RASGRF2: variants seen among roughly 807,000 people sequenced by gnomAD.
RASGRF2 encodes the protein ras-specific guanine nucleotide-releasing factor 2.
Under a neutral mutation model 151.0 loss-of-function variants are expected in RASGRF2, and 76 were observed. The ratio of observed to expected loss-of-function variants is 0.50; its 90% confidence interval spans 0.42 to 0.61. The LOEUF (loss-of-function observed/expected upper bound fraction) is 0.61. RASGRF2 is among the 20% of genes least tolerant of loss of function. The pLI is 0.00. For synonymous variants in RASGRF2, 504 were observed against 566.5 expected (o/e 0.89, Z 1.57); for missense variants, 1,148 against 1,564.6 (o/e 0.73, Z 4.49).
chr5:81,164,146 A>G (rs1754452626), intron 17 of RASGRF2, among the ~76,000 whole-genome samples: 1 of 152,156 alleles, frequency 6.6e-6, no homozygotes, highest in African/African-American at 2.4e-5. Context: ...TTTGAACTCT[A>G]AAAATGATGC....
rs1755724928 is a variant in RASGRF2 at position 81,215,882 on chromosome 5, G to A, written c.3361G>A (p.Ala1121Thr). The A allele has an allele frequency of 6.5e-7, 1 of 1,540,038 alleles. No individual in the cohort carries two copies. The highest frequency in any genetic ancestry group is 2.4e-5 in the East Asian group (1 of 41,688). ...TWAKVSKQTKALMDKLQKTVS... is the reference protein window; with the variant it reads ...TWAKVSKQTKTLMDKLQKTVS... Reference sequence around the variant, plus strand: ...TTTTTTCTTTTCTTTTTAGACAAAAGCTCTAATGGACAAACTTCAAAAGAC... The same window carrying A: ...TTTTTTCTTTTCTTTTTAGACAAAAACTCTAATGGACAAACTTCAAAAGAC... Residue 1121 changes from alanine (A) to threonine (T), a missense_variant, in exon 24 of 27, where the codon GCT becomes ACT. By Grantham distance (58) the Ala-to-Thr change is moderately conservative. Coordinates refer to ENST00000265080, the MANE Select transcript of RASGRF2 (RefSeq NM_006909.3).
chr5:81,157,499 A>G (rs994059457), intron 17 of RASGRF2, among the ~76,000 whole-genome samples: 4 of 152,202 alleles, frequency 2.6e-5, no homozygotes, highest in African/African-American at 7.2e-5. Flanking sequence ...ATTTGTTAAG[A>G]TGGAAATTTT....
chr5:81,201,201 A>C, intron 18 of RASGRF2, 129 bp from the exon 19 acceptor site: 1 of 1,357,142 alleles, frequency 7.4e-7, no homozygotes, highest in South Asian at 1.7e-5. Context: ...GTGGCAGGGA[A>C]CTCTAGGGTC....
intron 2 of RASGRF2, among the ~76,000 whole-genome samples, chr5:81,056,763 G>A (rs1287297460): frequency 2.0e-5 from 3 of 152,114 alleles, no homozygotes; most frequent in African/African-American, 7.2e-5. Flanking sequence ...GTGGAAGTCT[G>A]AGTCTCTTTG....
At position 81,226,021 on chromosome 5, in the gene RASGRF2, A is replaced by G; in HGVS notation, c.*251A>G. 1 of 372,870 alleles carries G rather than the reference A, an allele frequency of 2.7e-6. No individual in the cohort carries two copies. The highest frequency in any genetic ancestry group is 4.7e-6 in the Non-Finnish European group (1 of 210,926). 23.1% of individuals were successfully genotyped at this position (372,870 alleles called of 1,614,324 possible). A position where few individuals can be genotyped will look rare whatever the true frequency, so the allele number is the denominator to read the frequency against. ...CTGGTGGCACGTTTTACATAAGGGAATGTCAGATGGGAGATGCTAGTTGCC... is the reference window on the plus strand; with the variant it reads ...CTGGTGGCACGTTTTACATAAGGGAGTGTCAGATGGGAGATGCTAGTTGCC... On this transcript the variant is annotated 3_prime_UTR_variant, in exon 27 of 27. Coordinates refer to ENST00000265080, the MANE Select transcript of RASGRF2 (RefSeq NM_006909.3).
At chr5:81,108,269 A>G (rs1752898200) in intron 12 of RASGRF2, among the ~76,000 whole-genome samples, 1 of 152,250 alleles carries the variant, frequency 6.6e-6, no homozygotes, top group African/African-American at 2.4e-5. Context: ...ACCCAAAATA[A>G]TTACAGAGAG....
chr5:81,016,888 T>A (rs1027060573), intron 1 of RASGRF2, among the ~76,000 whole-genome samples: 3 of 152,142 alleles, frequency 2.0e-5, no homozygotes, highest in Non-Finnish European at 4.4e-5. Flanking sequence ...TCTCTAAGCC[T>A]TTGGGAGAAT....
rs560003265 is a variant in RASGRF2 at position 81,163,511 on chromosome 5, T to C, written c.2687-16664T>C. ...TAGGTACATAAGGTGCTCTCACAAA[T>C]TTAAATGCAACTCTGCAGACCCCCC... is the stretch of plus-strand genomic sequence containing the variant. On this transcript the variant is annotated intron_variant, in intron 17 of 26. Coordinates refer to ENST00000265080, the MANE Select transcript of RASGRF2 (RefSeq NM_006909.3). Among the ~76,000 whole-genome samples, 161 of 152,232 alleles carry C rather than the reference T, an allele frequency of 1.1e-3. 1 individual carries two copies. The highest frequency in any genetic ancestry group is 3.9e-3 in the African/African-American group (161 of 41,530).
rs192651061 is a variant in RASGRF2, at chr5:81,112,537, C to T, written c.1839-73C>T. The T allele has an allele frequency of 1.6e-4, 256 of 1,587,530 alleles. No individual in the cohort carries two copies. In the African/African-American group the frequency reaches 3.0e-3, roughly 18 times the overall value. On this transcript the variant is annotated intron_variant, in intron 13 of 26. Coordinates refer to ENST00000265080, the MANE Select transcript of RASGRF2 (RefSeq NM_006909.3). ...CCACTCCTGAGTGTGTGATTACAAA[C>T]GCTGAAATATTCAGTGGCCGAGGGG...
At chr5:81,217,247 T>C (rs1022866810) in intron 24 of RASGRF2, 109 bp from the exon 25 acceptor site, 2 of 1,455,482 alleles carry the variant, frequency 1.4e-6, no homozygotes, top group African/African-American at 2.9e-5. Flanking sequence ...AAAAAGGTTT[T>C]GCTCTTCAGT....
intron 18 of RASGRF2, among the ~76,000 whole-genome samples, chr5:81,196,155 A>G (rs1755260263): frequency 6.6e-6 from 1 of 152,162 alleles, no homozygotes. Flanking sequence ...GCTGCTCGGG[A>G]GGCTGAGGTG....
At position 81,186,779 on chromosome 5, in the gene RASGRF2, CAT is replaced by C. The variant is rs1295891525; in HGVS notation, c.2793+6499_2793+6500del. 3.9e-5 allele frequency among the ~76,000 whole-genome samples: 6 copies of C among 152,160 alleles called. No individual in the cohort carries two copies. The East Asian group carries it at 7.7e-4, about 20-fold the overall frequency. On this transcript the variant is annotated intron_variant, in intron 18 of 26. Coordinates refer to ENST00000265080, the MANE Select transcript of RASGRF2 (RefSeq NM_006909.3). ...CACAGTAGGAGTTAAATTCAGTCCTCATGTGTCTTTGTAGCAGAGATCTCAGA... is the reference window on the plus strand; with the variant it reads ...CACAGTAGGAGTTAAATTCAGTCCTCGTGTCTTTGTAGCAGAGATCTCAGA...
rs570892668 is a variant in RASGRF2, at chr5:81,033,957, A to G, written c.289-8920A>G. 2.0e-5 allele frequency among the ~76,000 whole-genome samples: 3 copies of G among 152,344 alleles called. No homozygotes were observed. In the South Asian group the frequency reaches 6.2e-4, roughly 32 times the overall value. ...GAACTTAAACAAATTCACAAGAAAAAATCAAACAACCCCATCAACAAGTGG... is the reference window on the plus strand; with the variant it reads ...GAACTTAAACAAATTCACAAGAAAAGATCAAACAACCCCATCAACAAGTGG... On this transcript the variant is annotated intron_variant, in intron 1 of 26. Transcript: ENST00000265080.
At chr5:81,040,406 A>G (rs1750642326) in intron 1 of RASGRF2, among the ~76,000 whole-genome samples, 1 of 152,232 alleles carries the variant, frequency 6.6e-6, no homozygotes, top group Non-Finnish European at 1.5e-5. Context: ...ATGTCTTACT[A>G]CTACTGATAG....
At chr5:81,201,625 T>G (rs1391705585) in intron 19 of RASGRF2, among the ~76,000 whole-genome samples, 183 bp downstream of exon 19, 1 of 152,170 alleles carries the variant, frequency 6.6e-6, no homozygotes, top group Non-Finnish European at 1.5e-5. Flanking sequence ...TCAGGAAGAC[T>G]CGGGACGGGG....
At chr5:81,083,342 G>C (rs1752140693) in intron 7 of RASGRF2, among the ~76,000 whole-genome samples, 1 of 150,414 alleles carries the variant, frequency 6.6e-6, no homozygotes, top group South Asian at 2.1e-4. Flanking sequence ...AGAGACCTCT[G>C]TCCAGACTTT....
rs138302219 is a variant in RASGRF2 at position 80,998,694 on chromosome 5, C to T, written c.288+37668C>T. On this transcript the variant is annotated intron_variant, in intron 1 of 26. Coordinates refer to ENST00000265080, the MANE Select transcript of RASGRF2 (RefSeq NM_006909.3). ...AGACACATAAGTGCCTTCTGCTGTG[C>T]GTTCTACACCCACGCTCCACCCTTT... is the stretch of plus-strand genomic sequence containing the variant. 5.3e-5 allele frequency among the ~76,000 whole-genome samples: 8 copies of T among 152,138 alleles called. No homozygotes were observed. The East Asian group carries it at 5.8e-4, about 11-fold the overall frequency.
intron 17 of RASGRF2, among the ~76,000 whole-genome samples, chr5:81,153,218 G>A (rs1429500245): frequency 6.6e-6 from 1 of 152,198 alleles, no homozygotes; most frequent in African/African-American, 2.4e-5. Context: ...GGTGTGATCC[G>A]TGTGTATGTT....
At chr5:81,156,165 A>T (rs1234887464) in intron 17 of RASGRF2, among the ~76,000 whole-genome samples, 3 of 152,216 alleles carry the variant, frequency 2.0e-5, no homozygotes, top group East Asian at 3.8e-4. Flanking sequence ...GAACAGAGCT[A>T]TAATAAAGAA....
Sources: gnomAD v4.1 joint callset for allele counts (sites outside exome capture counted in the v4.1 genomes callset) on GRCh38, gnomAD v4.1.1 for gene constraint, MANE v1.5 for transcripts, NCBI Gene and HGNC (gene_info 2026-07-23, HGNC 2026-07-21) for gene names.